Variants in TEX29 observed in about 807,000 individuals in gnomAD.
TEX29 encodes the protein testis expressed 29.
A neutral mutation model predicts 18.2 loss-of-function variants in TEX29; 26 were observed. The ratio of observed to expected loss-of-function variants is 1.43; its 90% CI spans 1.04 to 1.98. TEX29 has a LOEUF of 1.98. Among genes scored for constraint, TEX29 ranks in the 30% most tolerant of loss-of-function variants. TEX29 has a pLI of 0.00. For synonymous variants in TEX29, 83 were observed against 78.5 expected (o/e 1.06, Z -0.31); for missense variants, 177 against 194.2 (o/e 0.91, Z 0.53).
chr13:111,342,087 C>T (rs900074818), intron 4 of TEX29, among the ~76,000 whole-genome samples: 14 of 152,132 alleles, frequency 9.2e-5, no homozygotes, highest in Non-Finnish European at 1.5e-4. Flanking sequence ...AAATGCAGAC[C>T]CGGGGGGCCA....
intron 2 of TEX29, among the ~76,000 whole-genome samples, chr13:111,321,868 G>A (rs754973434): frequency 1.3e-5 from 2 of 152,226 alleles, no homozygotes; most frequent in Non-Finnish European, 2.9e-5. Flanking sequence ...AGATTGCAGT[G>A]AGCTGAGATT....
intron 3 of TEX29, among the ~76,000 whole-genome samples, chr13:111,337,338 C>T (rs890417382): frequency 1.9e-4 from 29 of 152,206 alleles, no homozygotes; most frequent in African/African-American, 6.5e-4. Flanking sequence ...GAAATCTTGG[C>T]GTCCCAGATG....
Position 111,320,800 on chromosome 13 carries a change from C to T in TEX29, c.-35+38C>T, listed in dbSNP as rs374272139. 2.8e-5 allele frequency: 44 copies of T among 1,545,166 alleles called. No individual in the cohort carries two copies. In the African/African-American group the frequency reaches 2.8e-4, roughly 10 times the overall value. On this transcript the variant is annotated intron_variant, in intron 1 of 5. Coordinates refer to ENST00000283547, the MANE Select transcript of TEX29 (RefSeq NM_152324.3). ...ACGCCCCCTCCTGGTGTGAGCCGCC[C>T]GCTCCCCAAACGACGTCCCCAGGGC... is the stretch of plus-strand genomic sequence containing the variant.
At chr13:111,319,412 G>A (rs989584673), upstream of TEX29, among the ~76,000 whole-genome samples, 3 of 152,136 alleles carry the variant, frequency 2.0e-5, no homozygotes, top group Admixed American at 6.5e-5. Context: ...GCTCTGACAC[G>A]TGCTACATAG....
At chr13:111,335,506 C>A (rs1400048237) in intron 3 of TEX29, among the ~76,000 whole-genome samples, 1 of 152,186 alleles carries the variant, frequency 6.6e-6, no homozygotes, top group African/African-American at 2.4e-5. Context: ...TTGTCATCAT[C>A]TTGTTTTTGT....
intron 3 of TEX29, chr13:111,339,417 T>C: frequency 4.4e-6 from 2 of 453,586 alleles, no homozygotes; most frequent in Non-Finnish European, 8.8e-6. Flanking sequence ...CAGCACCATC[T>C]ATCCTCCACA....
chr13:111,340,004 C>T (rs2093695352), intron 4 of TEX29, 72 bp downstream of exon 4: 3 of 1,459,118 alleles, frequency 2.1e-6, no homozygotes, highest in African/African-American at 1.4e-5. Context: ...AGCTTCCTGC[C>T]TGCCTGGGCT....
chr13:111,317,670 C>T (rs2093656820), upstream of TEX29, among the ~76,000 whole-genome samples: 1 of 152,242 alleles, frequency 6.6e-6, no homozygotes, highest in Admixed American at 6.5e-5. Context: ...CACAGCAGCA[C>T]CGACATGGCG....
At chr13:111,334,985 T>C (rs1333591090) in intron 3 of TEX29, among the ~76,000 whole-genome samples, 1 of 152,192 alleles carries the variant, frequency 6.6e-6, no homozygotes, top group African/African-American at 2.4e-5. Flanking sequence ...CAGGGCTAGA[T>C]AAAAGGTCCA....
At chr13:111,337,188 C>T (rs2093690764) in intron 3 of TEX29, among the ~76,000 whole-genome samples, 1 of 152,212 alleles carries the variant, frequency 6.6e-6, no homozygotes, top group African/African-American at 2.4e-5. Context: ...GGCTACCTCT[C>T]AGATCCATCC....
chr13:111,333,893 C>CG (rs1258940561), intron 3 of TEX29, among the ~76,000 whole-genome samples: 1 of 152,208 alleles, frequency 6.6e-6, no homozygotes, highest in Non-Finnish European at 1.5e-5. Context: ...CCAGGTCCCT[C>CG]GCTTGACATG....
chr13:111,328,354 C>T (rs2093677558), intron 3 of TEX29, 61 bp downstream of exon 3: 2 of 1,136,304 alleles, frequency 1.8e-6, no homozygotes, highest in Non-Finnish European at 2.7e-6. Context: ...CCATGCCGAC[C>T]ACTGCCCTGC....
intron 3 of TEX29, among the ~76,000 whole-genome samples, chr13:111,332,251 C>G (rs550463948): frequency 2.0e-5 from 3 of 151,952 alleles, no homozygotes; most frequent in African/African-American, 7.3e-5. Flanking sequence ...GTGTACTGAT[C>G]TTGAGCTTTT....
chr13:111,317,526 GTGT>G (rs926703809), upstream of TEX29, among the ~76,000 whole-genome samples: 5 of 152,156 alleles, frequency 3.3e-5, no homozygotes, highest in African/African-American at 9.7e-5. Flanking sequence ...TCCGGCCTTC[GTGT>G]TGTTTTATTT....
chr13:111,319,504 CT>C (rs1378376145), upstream of TEX29, among the ~76,000 whole-genome samples: 1 of 152,172 alleles, frequency 6.6e-6, no homozygotes, highest in African/African-American at 2.4e-5. Context: ...GGCGTGTCCC[CT>C]AGATGCCTCC....
In TEX29 at chr13:111,344,131, G is replaced by A. The variant is rs200134927; in HGVS notation, c.*8G>A. 1.2e-4 allele frequency: 186 copies of A among 1,610,902 alleles called. No homozygotes were observed. In the Middle Eastern group the frequency reaches 2.0e-3, roughly 17 times the overall value. ...GAAGAAACTGAGGACTGACTGAGAC[G>A]CATGAAGAAGTGGAGATTGTCAGAA... On this transcript the variant is annotated 3_prime_UTR_variant, in exon 6 of 6. Coordinates refer to ENST00000283547, the MANE Select transcript of TEX29 (RefSeq NM_152324.3).
At chr13:111,320,502 G>A (rs1332659039), upstream of TEX29, among the ~76,000 whole-genome samples, 2 of 152,190 alleles carry the variant, frequency 1.3e-5, no homozygotes, top group South Asian at 2.1e-4. Flanking sequence ...CATCTGAGTG[G>A]CCTTCGTCCT....
intron 2 of TEX29, among the ~76,000 whole-genome samples, chr13:111,321,728 G>T (rs1393955076): frequency 6.6e-6 from 1 of 152,134 alleles, no homozygotes; most frequent in Non-Finnish European, 1.5e-5. Context: ...TTCCAGACCA[G>T]CCTGGCCAAC....
chr13:111,327,067 A>G (rs962563903), intron 2 of TEX29, among the ~76,000 whole-genome samples: 1 of 151,962 alleles, frequency 6.6e-6, no homozygotes, highest in African/African-American at 2.4e-5. Flanking sequence ...GCCTCCCCCG[A>G]CCTCTCCCTA....
Sources: allele counts gnomAD v4.1 joint callset (sites outside exome capture counted in the v4.1 genomes callset), GRCh38; gene constraint gnomAD v4.1.1; transcripts MANE v1.5; gene names NCBI Gene and HGNC (gene_info 2026-07-23, HGNC 2026-07-21).